AHDC1: variants seen among roughly 807,000 people sequenced by gnomAD.
AHDC1 encodes AT-hook DNA binding motif containing 1, also known as transcription factor Gibbin.
In AHDC1, 7 loss-of-function variants were observed where a neutral mutation model predicts 87.9. The observed-to-expected ratio is 0.08, with a 90% CI of 0.05 to 0.15. The LOEUF is 0.15. Ranked by LOEUF, AHDC1 falls within the 10% of genes least tolerant of loss-of-function variation. The pLI is 1.00. For missense variants in AHDC1, 1,841 were observed against 2,253.2 expected, an observed-to-expected ratio of 0.82 and a Z score of 3.70; for synonymous variants, 1,051 against 1,006.8, an observed-to-expected ratio of 1.04 and a Z score of -0.83.
chr1:27,539,532 G>T (rs1439542889), intron 8 of AHDC1, among the ~76,000 whole-genome samples: 1 of 151,934 alleles, frequency 6.6e-6, no homozygotes, highest in Non-Finnish European at 1.5e-5. Context: ...TGCAACCTCT[G>T]CCTACTGGGT....
At position 27,560,428 on chromosome 1, in the gene AHDC1, G is replaced by A. The variant is rs938015449; in HGVS notation, c.-628-1545C>T. On this transcript the variant is annotated intron_variant, in intron 3 of 8. Transcript: ENST00000673934. This position sits in a 1 kb window ranked among gnomAD's most constrained non-coding sequence, Gnocchi z 4.1. Reference sequence around the variant, plus strand: ...TGGATGTGTGTTTGGCAGGGGGTGGGGGCGTGAGGCTGATCCTCTGCTGTC... The same window carrying A: ...TGGATGTGTGTTTGGCAGGGGGTGGAGGCGTGAGGCTGATCCTCTGCTGTC... 6.6e-6 allele frequency among the ~76,000 whole-genome samples: 1 copy of A among 152,132 alleles called. No individual in the cohort carries two copies. Among genetic ancestry groups the A allele is most frequent in the Admixed American group, 6.5e-5 (1 of 15,272 alleles).
chr1:27,594,947 T>G (rs1183390496), intron 3 of AHDC1, among the ~76,000 whole-genome samples: 1 of 151,848 alleles, frequency 6.6e-6, no homozygotes, highest in Non-Finnish European at 1.5e-5. Context: ...GGGGTGTCCC[T>G]GGGCCCTTAG....
At chr1:27,552,259 A>T (rs965514711) in intron 7 of AHDC1, 70 bp from the exon 8 acceptor site, 1 of 1,344,910 alleles carries the variant, frequency 7.4e-7, no homozygotes, top group African/African-American at 1.5e-5. Flanking sequence ...CATATCCTTG[A>T]TGAGCTCCTG....
intron 3 of AHDC1, among the ~76,000 whole-genome samples, chr1:27,594,831 C>A (rs986818968): frequency 6.6e-6 from 1 of 152,064 alleles, no homozygotes; most frequent in Non-Finnish European, 1.5e-5. Context: ...GGGTATGTGA[C>A]AGGGTGCCGT....
intron 5 of AHDC1, among the ~76,000 whole-genome samples, chr1:27,554,410 C>T (rs192567569): frequency 6.6e-6 from 1 of 152,324 alleles, no homozygotes; most frequent in East Asian, 1.9e-4. Flanking sequence ...AGTGTGGGCT[C>T]TTCAGGAGCA....
intron 3 of AHDC1, among the ~76,000 whole-genome samples, chr1:27,589,705 T>C (rs563294394): frequency 3.9e-5 from 6 of 152,294 alleles, no homozygotes; most frequent in Non-Finnish European, 8.8e-5. Context: ...TGTGTCTGTA[T>C]CTGTGTGTTG....
rs964569813 is a variant in AHDC1, at chr1:27,593,229, C to G, written c.-629+10168G>C. 5.3e-5 allele frequency among the ~76,000 whole-genome samples: 8 copies of G among 152,070 alleles called. No individual in the cohort carries two copies. The highest frequency in any genetic ancestry group is 4.6e-4 in the Admixed American group (7 of 15,286). On this transcript the variant is annotated intron_variant, in intron 3 of 8. Transcript: ENST00000673934. This position sits in a 1 kb window ranked among gnomAD's most constrained non-coding sequence, Gnocchi z 4.9. ...GGAGCAGCTCCGTCCCTCCCCTCCC[C>G]CTCCACTCCTCCAGGCAGGCAGCGA...
At position 27,548,844 on chromosome 1, in the gene AHDC1, G is replaced by A. The variant is rs947798243; in HGVS notation, c.3272C>T (p.Ser1091Phe). ...ACAGTTCTCGGGCGAGGGCTGGAAG[G>A]AGGAGGAGGAGGAGGAGGCGGCAGA... ...AASAASSSSS[S>F]FQPSPENCRQ... is the part of the protein sequence containing the mutation. The change falls in exon 8 of 9, where the codon TCC becomes TTC. Residue 1091 changes from serine (S) to phenylalanine (F), a missense_variant. By Grantham distance (155) the Ser-to-Phe change is radical. Transcript: ENST00000673934. 4 of 1,589,548 alleles carry A rather than the reference G, an allele frequency of 2.5e-6. No individual in the cohort carries two copies. Among genetic ancestry groups the A allele is most frequent in the Non-Finnish European group, 3.4e-6 (4 of 1,166,166 alleles).
rs1249503927 is a variant in AHDC1, at chr1:27,548,425, G to T, written c.3691C>A (p.Pro1231Thr). The T allele has an allele frequency of 6.2e-7, 1 of 1,612,336 alleles. No individual in the cohort carries two copies. The highest frequency in any genetic ancestry group is 1.1e-5 in the South Asian group (1 of 91,078). ...ACCTTCTTCCGCCGTCCACGGCCCG[G>T]CTTGGAGCTACTCTGAAAGAGGACA... ...QSVLFQSSSK[P>T]GRGRRKKVDL... Residue 1231 changes from proline to threonine, a missense_variant, in exon 8 of 9, where the codon CCG becomes ACG. Pro to Thr is a conservative substitution (Grantham distance 38, BLOSUM62 -1). Transcript: ENST00000673934.
Position 27,561,647 on chromosome 1 carries a change from T to C in AHDC1, c.-628-2764A>G, listed in dbSNP as rs1293875656. Among the ~76,000 whole-genome samples the C allele has an allele frequency of 1.4e-5, 2 of 147,818 alleles. No homozygotes were observed. The highest frequency in any genetic ancestry group is 3.0e-5 in the Non-Finnish European group (2 of 66,380). On this transcript the variant is annotated intron_variant, in intron 3 of 8. Coordinates refer to ENST00000673934, the MANE Select transcript of AHDC1 (RefSeq NM_001371928.1). The surrounding 1 kb of genome is among the most constrained non-coding windows in gnomAD (Gnocchi z 4.2). ...GGTGTTGGCTGGGGGAGATTTGTTCTGGTTGCAGACACCAGCCGAGACCAC... is the reference window on the plus strand; with the variant it reads ...GGTGTTGGCTGGGGGAGATTTGTTCCGGTTGCAGACACCAGCCGAGACCAC...
chr1:27,583,060 G>T (rs1326575609), intron 3 of AHDC1, among the ~76,000 whole-genome samples: 2 of 152,202 alleles, frequency 1.3e-5, no homozygotes, highest in Non-Finnish European at 2.9e-5. Context: ...ACCACATGGG[G>T]TTTCACCATG....
intron 3 of AHDC1, among the ~76,000 whole-genome samples, chr1:27,574,180 AGCCAGCCTGGAGCTCTCT>A (rs1381987806): frequency 6.6e-6 from 1 of 152,198 alleles, no homozygotes; most frequent in Non-Finnish European, 1.5e-5. Context: ...TCCCCTGGGG[AGCCAGCCTGGAGCTCTCT>A]GCCAGCCCCC....
intron 8 of AHDC1, among the ~76,000 whole-genome samples, chr1:27,543,095 G>A (rs2019002019): frequency 6.6e-6 from 1 of 152,236 alleles, no homozygotes; most frequent in South Asian, 2.1e-4. Context: ...CGGCTGGATG[G>A]TGGCCTTGGA....
At chr1:27,554,968 T>C (rs774835973) in intron 5 of AHDC1, among the ~76,000 whole-genome samples, 3 of 152,224 alleles carry the variant, frequency 2.0e-5, no homozygotes, top group African/African-American at 4.8e-5. Flanking sequence ...ATGTGTAACT[T>C]GCCTGAAGTC....
rs72886324 is a variant in AHDC1 at position 27,584,275 on chromosome 1, G to A, written c.-629+19122C>T. On this transcript the variant is annotated intron_variant, in intron 3 of 8. Coordinates refer to ENST00000673934, the MANE Select transcript of AHDC1 (RefSeq NM_001371928.1). ...TGCTCTGATGCCAACCCCAGGGAGGGACCCTTTCTTTCTCCAGGTATTGGA... is the reference window on the plus strand; with the variant it reads ...TGCTCTGATGCCAACCCCAGGGAGGAACCCTTTCTTTCTCCAGGTATTGGA... 5.7e-3 allele frequency among the ~76,000 whole-genome samples: 864 copies of A among 152,102 alleles called. 12 individuals carry two copies. The highest frequency in any genetic ancestry group is 0.02 in the African/African-American group (819 of 41,470).
At position 27,557,238 on chromosome 1, in the gene AHDC1, A is replaced by G. The variant is rs377617776; in HGVS notation, c.-225+1067T>C. On this transcript the variant is annotated intron_variant, in intron 5 of 8. Transcript: ENST00000673934. ...TCCCTTCCTCCCTCCGAGGTCACCC[A>G]GGGACTAAGCTTCCCGCCCTGCTCC... Among the ~76,000 whole-genome samples, 45 of 142,652 alleles carry G rather than the reference A, an allele frequency of 3.2e-4. No individual in the cohort carries two copies. The South Asian group carries it at 9.8e-3, about 31-fold the overall frequency. The allele number at this position is 142,652 out of a possible 152,430, so 93.6% of individuals were successfully genotyped here. A position where few individuals can be genotyped will look rare whatever the true frequency, so the allele number is the denominator to read the frequency against.
chr1:27,552,865 G>A (rs148558197), intron 7 of AHDC1, 27 bp downstream of exon 7: 1,578 of 152,810 alleles, frequency 0.01, 10 homozygotes, highest in Middle Eastern at 0.017. Context: ...ACCCCGAAAG[G>A]GCTCCAGGAG....
At position 27,552,930 on chromosome 1, in the gene AHDC1, C is replaced by G. The variant is rs2019644101; in HGVS notation, c.-112-1G>C. On this transcript the variant is annotated splice_acceptor_variant, in intron 6 of 8. Transcript: ENST00000673934. LOFTEE classifies it low-confidence loss of function (5UTR_SPLICE). ...GCCTGGGCTGTCACACTGGAGATCT[C>G]TGTGGGCAACAAGACGGGCAATAGA... The G allele has an allele frequency of 6.5e-6, 1 of 152,738 alleles. No homozygotes were observed. Among genetic ancestry groups the G allele is most frequent in the South Asian group, 2.1e-4 (1 of 4,836 alleles). The allele number at this position is 152,738 out of a possible 1,614,324, so 9.5% of individuals were successfully genotyped here.
rs770479938 is a variant in AHDC1 at position 27,547,501 on chromosome 1, C to T, written c.4615G>A (p.Gly1539Ser). Reference protein sequence around the residue: ...RGPAAAAAGYGCPLLSDLTLS... With the variant: ...RGPAAAAAGYSCPLLSDLTLS... ...GTCAAGTCACTAAGGAGTGGGCAGC[C>T]ATAGCCAGCAGCGGCTGCAGCAGGG... is the stretch of plus-strand genomic sequence containing the variant. Residue 1539 changes from glycine (G) to serine (S), a missense_variant, in exon 8 of 9, where the codon GGC (glycine) becomes AGC (serine). Gly to Ser is a moderately conservative substitution (Grantham distance 56). Around this residue, in one of 13 missense-constraint regions of AHDC1, gnomAD observed 505 missense variants for 626.2 expected, o/e 0.81. Coordinates refer to ENST00000673934, the MANE Select transcript of AHDC1 (RefSeq NM_001371928.1). This position sits in a 1 kb window ranked among gnomAD's most constrained non-coding sequence, Gnocchi z 4.9. The T allele has an allele frequency of 1.4e-5, 22 of 1,608,158 alleles. No individual in the cohort carries two copies. Among genetic ancestry groups the T allele is most frequent in the Non-Finnish European group, 1.8e-5 (21 of 1,176,492 alleles).
Sources: allele counts gnomAD v4.1 joint callset (sites outside exome capture counted in the v4.1 genomes callset), GRCh38; gene constraint gnomAD v4.1.1; regional missense constraint gnomAD v4.1.1; non-coding constraint Gnocchi (gnomAD v3.1); transcripts MANE v1.5; gene names NCBI Gene and HGNC (gene_info 2026-07-23, HGNC 2026-07-21).